The following RNF121 variants were observed in gnomAD, a reference collection of about 807,000 sequenced individuals.
RNF121 encodes the protein E3 ubiquitin ligase RNF121.
RNF121 carries 21 observed loss-of-function variants against 46.5 expected under a neutral mutation model. The observed-to-expected ratio is 0.45, with a 90% CI of 0.32 to 0.65. The LOEUF (loss-of-function observed/expected upper bound fraction) is 0.65. Among genes scored for constraint, RNF121 ranks in the 30% least tolerant of loss-of-function variants. The pLI, the probability that RNF121 is intolerant of heterozygous loss-of-function variation, is 0.04. For missense variants in RNF121, 346 were observed against 416.0 expected, an observed-to-expected ratio of 0.83 and a Z score of 1.46; for synonymous variants, 139 against 144.7, an observed-to-expected ratio of 0.96 and a Z score of 0.28.
At chr11:71,936,066 C>T (rs777064565) in intron 1 of RNF121, among the ~76,000 whole-genome samples, 2 of 151,770 alleles carry the variant, frequency 1.3e-5, no homozygotes, top group African/African-American at 4.8e-5. Context: ...CCAGGACGGT[C>T]TCCATCTCCT....
At chr11:71,994,033 G>A (rs1251850545) in intron 6 of RNF121, among the ~76,000 whole-genome samples, 4 of 151,726 alleles carry the variant, frequency 2.6e-5, no homozygotes, top group African/African-American at 9.7e-5. Context: ...GTAGAGACGG[G>A]GTTTCACTGT....
chr11:71,936,259 C>A (rs1438809686), intron 1 of RNF121, among the ~76,000 whole-genome samples: 1 of 152,090 alleles, frequency 6.6e-6, no homozygotes, highest in African/African-American at 2.4e-5. Context: ...TTACATATAA[C>A]CTCTTATTCC....
chr11:71,938,482 G>T (rs911701281), intron 1 of RNF121, among the ~76,000 whole-genome samples: 1 of 151,764 alleles, frequency 6.6e-6, no homozygotes, highest in Non-Finnish European at 1.5e-5. Flanking sequence ...CCCACGCCTG[G>T]CTAATTTTGC....
At chr11:71,957,858 C>T (rs1954028268) in intron 2 of RNF121, among the ~76,000 whole-genome samples, 2 of 152,116 alleles carry the variant, frequency 1.3e-5, no homozygotes, top group Non-Finnish European at 2.9e-5. Flanking sequence ...AGAGTGCCTG[C>T]CCCACGAACT....
chr11:71,971,076 T>G (rs1200814272), intron 3 of RNF121, among the ~76,000 whole-genome samples: 2 of 152,188 alleles, frequency 1.3e-5, no homozygotes, highest in East Asian at 3.8e-4. Flanking sequence ...GGTAAAGTTA[T>G]GAAACTAATT....
chr11:71,984,175 A>G (rs1293112067), intron 4 of RNF121, among the ~76,000 whole-genome samples: 2 of 152,278 alleles, frequency 1.3e-5, no homozygotes, highest in Non-Finnish European at 2.9e-5. Context: ...AAAAAGTGCA[A>G]TAGAACAATG....
intron 4 of RNF121, among the ~76,000 whole-genome samples, chr11:71,985,101 A>G (rs1368124766): frequency 1.3e-5 from 2 of 151,286 alleles, no homozygotes; most frequent in East Asian, 3.9e-4. Flanking sequence ...TTTAATTTTT[A>G]TTTTTAGTAG....
intron 6 of RNF121, among the ~76,000 whole-genome samples, chr11:71,992,312 T>TA: frequency 6.6e-6 from 1 of 152,234 alleles, no homozygotes; most frequent in Non-Finnish European, 1.5e-5. Context: ...CTTACTGCTT[T>TA]ACCAAAAATT....
intron 3 of RNF121, among the ~76,000 whole-genome samples, chr11:71,982,282 G>C (rs1954676963): frequency 7.3e-6 from 1 of 137,830 alleles, no homozygotes; most frequent in Admixed American, 8.2e-5. Flanking sequence ...GCTACAGTGA[G>C]CCAGGATCAC....
At chr11:71,929,890 C>T (rs558296940) in intron 1 of RNF121, among the ~76,000 whole-genome samples, 24 of 152,182 alleles carry the variant, frequency 1.6e-4, no homozygotes, top group Non-Finnish European at 8.8e-5. Flanking sequence ...AACATTTCAG[C>T]TTGGGATAGG....
At chr11:71,977,113 G>T (rs1186586635) in intron 3 of RNF121, among the ~76,000 whole-genome samples, 1 of 152,144 alleles carries the variant, frequency 6.6e-6, no homozygotes, top group South Asian at 2.1e-4. Flanking sequence ...CAAGCTGATT[G>T]TTCTATTAGC....
intron 3 of RNF121, among the ~76,000 whole-genome samples, chr11:71,977,276 T>A (rs1954547102): frequency 6.6e-6 from 1 of 152,158 alleles, no homozygotes; most frequent in African/African-American, 2.4e-5. Flanking sequence ...AAGTCAAAAG[T>A]GCCAAGCACC....
chr11:71,957,041 T>C (rs1304148648), intron 1 of RNF121, among the ~76,000 whole-genome samples, 186 bp from the exon 2 acceptor site: 3 of 152,180 alleles, frequency 2.0e-5, no homozygotes, highest in Non-Finnish European at 2.9e-5. Flanking sequence ...TAGACATGAG[T>C]CAAACTAAGC....
chr11:71,963,951 C>A (rs1462980633), intron 3 of RNF121, among the ~76,000 whole-genome samples: 1 of 152,172 alleles, frequency 6.6e-6, no homozygotes, highest in Non-Finnish European at 1.5e-5. Context: ...AAAGTATGTT[C>A]CTCAACTTTG....
At position 71,995,762 on chromosome 11, in the gene RNF121, C is replaced by T. The variant is rs554404977; in HGVS notation, c.863+211C>T. ...TTATTGCCTATTCTCAGCCTCCTTG[C>T]AGCCATTGTCACGGATAGATAGACT... is the stretch of plus-strand genomic sequence containing the variant. On this transcript the variant is annotated intron_variant, in intron 8 of 8. Transcript: ENST00000361756. Among the ~76,000 whole-genome samples, 6 of 152,356 alleles carry T rather than the reference C, an allele frequency of 3.9e-5. No homozygotes were observed. The South Asian group carries it at 1.2e-3, about 32-fold the overall frequency.
intron 2 of RNF121, among the ~76,000 whole-genome samples, chr11:71,959,370 G>C (rs1837889166): frequency 6.6e-6 from 1 of 152,158 alleles, no homozygotes; most frequent in African/African-American, 2.4e-5. Flanking sequence ...TACACTTTTT[G>C]TTATATTTGC....
intron 1 of RNF121, among the ~76,000 whole-genome samples, chr11:71,956,544 A>G (rs982567033): frequency 4.6e-5 from 7 of 152,208 alleles, no homozygotes; most frequent in Non-Finnish European, 8.8e-5. Flanking sequence ...TTGAAGTCGG[A>G]TGGCTAGTGA....
chr11:71,988,769 C>G (rs188896634), intron 5 of RNF121, among the ~76,000 whole-genome samples: 108 of 152,192 alleles, frequency 7.1e-4, no homozygotes, highest in African/African-American at 2.5e-3. Context: ...CTGCAGTGAG[C>G]TATGATTGTG....
intron 1 of RNF121, among the ~76,000 whole-genome samples, chr11:71,955,576 A>AAAC (rs764828103): frequency 1.3e-5 from 2 of 152,304 alleles, no homozygotes; most frequent in East Asian, 1.9e-4. Flanking sequence ...GATAAGAAAC[A>AAAC]AACAACAACA....
Sources: allele counts gnomAD v4.1 joint callset (sites outside exome capture counted in the v4.1 genomes callset), GRCh38; gene constraint gnomAD v4.1.1; transcripts MANE v1.5; gene names NCBI Gene and HGNC (gene_info 2026-07-23, HGNC 2026-07-21).